Variants in ATXN7L1 observed in about 807,000 individuals in gnomAD.
ATXN7L1 encodes the protein ataxin 7 like 1.
In ATXN7L1, 15 loss-of-function variants were observed where a neutral mutation model predicts 70.8. The ratio of observed to expected loss-of-function variants is 0.21; its 90% confidence interval spans 0.14 to 0.33. The LOEUF is 0.33. Among genes scored for constraint, ATXN7L1 ranks in the 10% least tolerant of loss-of-function variants. ATXN7L1 has a pLI of 1.00. For synonymous variants in ATXN7L1, 440 were observed against 445.1 expected (o/e 0.99, Z 0.14); for missense variants, 975 against 1,097.1 (o/e 0.89, Z 1.57).
intron 3 of ATXN7L1, among the ~76,000 whole-genome samples, chr7:105,773,603 G>A (rs1201689673): frequency 6.6e-6 from 1 of 152,148 alleles, no homozygotes; most frequent in African/African-American, 2.4e-5. Context: ...AGGAGACACA[G>A]GGGGAAGATA....
chr7:105,834,244 G>A (rs1203222622), intron 2 of ATXN7L1, among the ~76,000 whole-genome samples: 1 of 151,974 alleles, frequency 6.6e-6, no homozygotes, highest in Non-Finnish European at 1.5e-5. Flanking sequence ...GTTTCACCAT[G>A]TTGCCCAGGC....
At chr7:105,732,297 C>T (rs1020149330) in intron 3 of ATXN7L1, among the ~76,000 whole-genome samples, 10 of 152,064 alleles carry the variant, frequency 6.6e-5, no homozygotes, top group Admixed American at 3.3e-4. Flanking sequence ...CCTGTAGTCC[C>T]ATCTACTCAG....
chr7:105,804,048 G>C (rs1244814504), intron 2 of ATXN7L1, among the ~76,000 whole-genome samples: 1 of 152,196 alleles, frequency 6.6e-6, no homozygotes, highest in Admixed American at 6.5e-5. Context: ...CTTGGCCAGA[G>C]GGAGAGAAAT....
intron 3 of ATXN7L1, 78 bp from the exon 4 acceptor site, chr7:105,665,366 C>T: frequency 8.4e-7 from 1 of 1,195,374 alleles, no homozygotes; most frequent in Non-Finnish European, 1.2e-6. Context: ...TACACTCAAA[C>T]ACACAACAGG....
At chr7:105,644,413 G>T (rs1012589086) in intron 4 of ATXN7L1, among the ~76,000 whole-genome samples, 10 of 152,158 alleles carry the variant, frequency 6.6e-5, no homozygotes, top group African/African-American at 2.4e-4. Context: ...TTCTCCCTTG[G>T]ACCACGTAGC....
chr7:105,638,017 G>A (rs1797640147), intron 7 of ATXN7L1, among the ~76,000 whole-genome samples: 1 of 152,158 alleles, frequency 6.6e-6, no homozygotes, highest in Non-Finnish European at 1.5e-5. Flanking sequence ...ATGTGTCACA[G>A]TTTCAGGTAT....
At chr7:105,788,344 C>T in intron 3 of ATXN7L1, 1 of 410,696 alleles carries the variant, frequency 2.4e-6, no homozygotes, top group Non-Finnish European at 4.5e-6. Flanking sequence ...CTAGGCTGGG[C>T]AGATGGCTTC....
chr7:105,664,575 G>GTGTGTGTATGTGTGTATATATA lies in ATXN7L1; in HGVS notation c.578+490_578+491insTATATATACACACATACACACA. Among the ~76,000 whole-genome samples, 6 of 131,968 alleles carry GTGTGTGTATGTGTGTATATATA rather than the reference G, an allele frequency of 4.5e-5. No homozygotes were observed. The East Asian group carries it at 8.0e-4, about 18-fold the overall frequency. The allele number at this position is 131,968 out of a possible 152,430, so 86.6% of individuals were successfully genotyped here. On this transcript the variant is annotated intron_variant, in intron 4 of 11. Transcript: ENST00000419735. ...ACATATATATATTATGTATGTGTGT[G>GTGTGTGTATGTGTGTATATATA]TATATATATATATTTGAGACAGAGT...
At chr7:105,865,656 C>T (rs1817336296) in intron 2 of ATXN7L1, among the ~76,000 whole-genome samples, 1 of 152,198 alleles carries the variant, frequency 6.6e-6, no homozygotes, top group South Asian at 2.1e-4. Flanking sequence ...CCACCTTGGC[C>T]TCCCAAAGTG....
intron 1 of ATXN7L1, 71 bp downstream of exon 1, chr7:105,876,307 T>C (rs1293841628): frequency 6.8e-7 from 1 of 1,478,594 alleles, no homozygotes; most frequent in Non-Finnish European, 9.0e-7. Flanking sequence ...CACACACTTT[T>C]TCCCAGTGGC....
chr7:105,635,315 A>G (rs1797195509), intron 7 of ATXN7L1, among the ~76,000 whole-genome samples: 1 of 152,184 alleles, frequency 6.6e-6, no homozygotes. Flanking sequence ...GAGGCGAATA[A>G]ACTGAACATA....
chr7:105,625,724 A>G (rs1306837302), intron 7 of ATXN7L1, among the ~76,000 whole-genome samples: 6 of 152,248 alleles, frequency 3.9e-5, no homozygotes, highest in African/African-American at 1.4e-4. Flanking sequence ...CAATGTCACA[A>G]TAAGAGGTAG....
intron 5 of ATXN7L1, among the ~76,000 whole-genome samples, chr7:105,641,172 T>G (rs1798122664): frequency 6.7e-6 from 1 of 148,394 alleles, no homozygotes; most frequent in African/African-American, 2.5e-5. Flanking sequence ...CCTCCCCCCT[T>G]TTTTTGCTTT....
At chr7:105,840,887 A>G (rs1424028684) in intron 2 of ATXN7L1, among the ~76,000 whole-genome samples, 1 of 152,132 alleles carries the variant, frequency 6.6e-6, no homozygotes, top group Admixed American at 6.5e-5. Context: ...CCATGGAGTG[A>G]TGGCAATCTC....
At chr7:105,632,037 T>C (rs1796668684) in intron 7 of ATXN7L1, among the ~76,000 whole-genome samples, 1 of 152,222 alleles carries the variant, frequency 6.6e-6, no homozygotes, top group African/African-American at 2.4e-5. Flanking sequence ...AACAAAAGGC[T>C]GAGTGGTGAT....
At position 105,876,436 on chromosome 7, in the gene ATXN7L1, C is replaced by G. The variant is rs1563165952; in HGVS notation, c.123G>C (p.Ala41=). The part of the protein sequence containing the change: ...TLDRKVPSPE[A]FLGKPWSSWI... ...AGGAGGACCAGGGTTTGCCCAGAAA[C>G]GCCTCCGGACTGGGCACTTTGCGAT... is the stretch of plus-strand genomic sequence containing the variant. The change falls in exon 1 of 12, where the codon GCG becomes GCC. Residue 41 remains alanine, a synonymous_variant. Transcript: ENST00000419735. 1 of 1,613,454 alleles carries G rather than the reference C, an allele frequency of 6.2e-7. No individual in the cohort carries two copies. The highest frequency in any genetic ancestry group is 1.7e-5 in the Admixed American group (1 of 59,976).
chr7:105,865,445 A>G (rs1817263605), intron 2 of ATXN7L1, among the ~76,000 whole-genome samples: 1 of 150,606 alleles, frequency 6.6e-6, no homozygotes, highest in Admixed American at 6.6e-5. Flanking sequence ...TGTGTTGCCC[A>G]GGCTGGGGTG....
At chr7:105,613,624 A>G in intron 10 of ATXN7L1, 1 of 1,389,040 alleles carries the variant, frequency 7.2e-7, no homozygotes, top group Non-Finnish European at 9.4e-7. Flanking sequence ...TGTCGTGAGG[A>G]CTCAGTGAGG....
chr7:105,691,091 C>T (rs182798863), intron 3 of ATXN7L1, among the ~76,000 whole-genome samples: 31 of 152,328 alleles, frequency 2.0e-4, no homozygotes, highest in African/African-American at 7.5e-4. Flanking sequence ...CTCCGTCCCC[C>T]TCCCCCGTGA....
Sources: gnomAD v4.1 joint callset for allele counts (sites outside exome capture counted in the v4.1 genomes callset) on GRCh38, gnomAD v4.1.1 for gene constraint, MANE v1.5 for transcripts, NCBI Gene and HGNC (gene_info 2026-07-23, HGNC 2026-07-21) for gene names.